The following TPCN2 variants were observed in gnomAD, a reference collection of about 807,000 sequenced individuals.
The protein encoded by TPCN2 is two pore segment channel 2, also known as two pore channel protein 2.
In TPCN2, 92 loss-of-function variants were observed where a neutral mutation model predicts 111.4. The observed-to-expected ratio is 0.83, with a 90% CI of 0.70 to 0.98. The LOEUF (loss-of-function observed/expected upper bound fraction) is 0.98. Ranked by LOEUF, TPCN2 falls within the 50% of genes least tolerant of loss-of-function variation. The pLI is 0.00. For synonymous variants in TPCN2, 405 were observed against 414.5 expected (o/e 0.98, Z 0.28); for missense variants, 995 against 980.1 (o/e 1.02, Z -0.20).
At chr11:69,050,376 C>T (rs1408309461) in intron 1 of TPCN2, among the ~76,000 whole-genome samples, 1 of 152,182 alleles carries the variant, frequency 6.6e-6, no homozygotes, top group Non-Finnish European at 1.5e-5. Flanking sequence ...GGTTGCTTAA[C>T]CTTTCTGTTT....
At chr11:69,076,602 C>A (rs71464359) in intron 13 of TPCN2, among the ~76,000 whole-genome samples, 1 of 41,648 alleles carries the variant, frequency 2.4e-5, no homozygotes, top group Admixed American at 1.9e-4. Context: ...GCCCTCCTGC[C>A]GTGTCCCTCC....
chr11:69,060,818 A>C (rs1459756398), intron 5 of TPCN2, among the ~76,000 whole-genome samples: 1 of 152,176 alleles, frequency 6.6e-6, no homozygotes, highest in Non-Finnish European at 1.5e-5. Context: ...AGCCTTTGTT[A>C]TCAGGCCCTA....
At position 69,087,729 on chromosome 11, in the gene TPCN2, T is replaced by A. The variant is rs1123665; in HGVS notation, c.2181-146T>A. Reference sequence around the variant, plus strand: ...ATATTTCTAGTGGCTACATCCATCCTGAGGCTCATCTGAGTCCCCGTGTCT... The same window carrying A: ...ATATTTCTAGTGGCTACATCCATCCAGAGGCTCATCTGAGTCCCCGTGTCT... On this transcript the variant is annotated intron_variant, in intron 24 of 24. Coordinates refer to ENST00000294309, the MANE Select transcript of TPCN2 (RefSeq NM_139075.4). The A allele has an allele frequency of 1.6e-5, 10 of 617,612 alleles. 1 individual carries two copies. Among genetic ancestry groups the A allele is most frequent in the Non-Finnish European group, 2.9e-5 (10 of 348,444 alleles). 38.3% of individuals were successfully genotyped at this position (617,612 alleles called of 1,614,324 possible). A position where few individuals can be genotyped will look rare whatever the true frequency, so the allele number is the denominator to read the frequency against.
chr11:69,083,954 G>A lies in TPCN2; in HGVS notation c.1699G>A (p.Val567Met), dbSNP rs1426202654. The A allele has an allele frequency of 5.6e-6, 9 of 1,614,032 alleles. No homozygotes were observed. Among genetic ancestry groups the A allele is most frequent in the South Asian group, 2.2e-5 (2 of 91,088 alleles). Residue 567 changes from valine to methionine, a missense_variant, in exon 19 of 25, where the codon GTG becomes ATG. By Grantham distance (21) the Val-to-Met change is conservative. Coordinates refer to ENST00000294309, the MANE Select transcript of TPCN2 (RefSeq NM_139075.4). ...CTCTTCCTGTCCTCAGCTGATGGCCGTGGTGGCCAGTACCGTCCTGGGCCT... is the reference window on the plus strand; with the variant it reads ...CTCTTCCTGTCCTCAGCTGATGGCCATGGTGGCCAGTACCGTCCTGGGCCT... ...RIIPSMKLMA[V>M]VASTVLGLVQ...
rs1179040102 is a variant in TPCN2, at chr11:69,082,805, G to A, written c.1690-1140G>A. On this transcript the variant is annotated intron_variant, in intron 18 of 24. Coordinates refer to ENST00000294309, the MANE Select transcript of TPCN2 (RefSeq NM_139075.4). ...GATATCCATGTGAACTCGTGCCCGT[G>A]TAAGACGCATGATCGTGTGTGCACA... Among the ~76,000 whole-genome samples the A allele has an allele frequency of 2.5e-3, 266 of 104,330 alleles. 26 individuals carry two copies. Among genetic ancestry groups the A allele is most frequent in the African/African-American group, 2.9e-3 (88 of 30,476 alleles). 68.4% of individuals were successfully genotyped at this position (104,330 alleles called of 152,430 possible). A position where few individuals can be genotyped will look rare whatever the true frequency, so the allele number is the denominator to read the frequency against.
intron 20 of TPCN2, 152 bp downstream of exon 20, chr11:69,085,438 C>G: frequency 1.2e-6 from 1 of 819,838 alleles, no homozygotes; most frequent in Non-Finnish European, 2.0e-6. Context: ...CTTTTCCCGA[C>G]CCCCAATTTC....
chr11:69,084,143 C>T, intron 19 of TPCN2, 127 bp downstream of exon 19: 1 of 942,662 alleles, frequency 1.1e-6, no homozygotes. Flanking sequence ...CGGACGGCAG[C>T]AGGTTCCTGA....
At chr11:69,069,200 G>T (rs375803810) in intron 8 of TPCN2, among the ~76,000 whole-genome samples, 1 of 137,724 alleles carries the variant, frequency 7.3e-6, no homozygotes, top group African/African-American at 2.9e-5. Context: ...AGTGACACAG[G>T]GGGAGCAGGA....
In TPCN2 at chr11:69,085,752, G is replaced by C; in HGVS notation, c.1920G>C (p.Ala640=). Residue 640 remains alanine, a splice_region_variant and synonymous_variant, in exon 21 of 25, where the codon GCG becomes GCC. Coordinates refer to ENST00000294309, the MANE Select transcript of TPCN2 (RefSeq NM_139075.4). ...EYWANNFDDF[A]AALVTLWNLM... The stretch of plus-strand genomic sequence containing the variant: ...GGGCCAACAACTTCGATGACTTTGC[G>C]GTGAGCCCTGCGCCCTGTCCCAGCA... 6.2e-6 allele frequency: 10 copies of C among 1,614,062 alleles called. No homozygotes were observed. The highest frequency in any genetic ancestry group is 2.2e-5 in the South Asian group (2 of 91,082).
At chr11:69,058,129 A>G (rs1367537114) in intron 5 of TPCN2, among the ~76,000 whole-genome samples, 1 of 152,014 alleles carries the variant, frequency 6.6e-6, no homozygotes, top group African/African-American at 2.4e-5. Context: ...AGCCCTTTCC[A>G]CCGCAGTGCC....
At position 69,087,984 on chromosome 11, in the gene TPCN2, A is replaced by G; in HGVS notation, c.*31A>G. 6.3e-7 allele frequency: 1 copy of G among 1,582,474 alleles called. No homozygotes were observed. The highest frequency in any genetic ancestry group is 8.6e-7 in the Non-Finnish European group (1 of 1,164,448). On this transcript the variant is annotated 3_prime_UTR_variant, in exon 25 of 25. Transcript: ENST00000294309. The stretch of plus-strand genomic sequence containing the variant: ...GGGCTGCCGTCCCAGCAGGGGCGGC[A>G]GGAGAGAGAGGCTGGCCTACACAGG...
At chr11:69,063,018 G>T in intron 6 of TPCN2, 28 bp downstream of exon 6, 1 of 1,600,498 alleles carries the variant, frequency 6.2e-7, no homozygotes, top group Non-Finnish European at 8.6e-7. Flanking sequence ...TGGGCTCGCA[G>T]GGTTGGGAAG....
intron 19 of TPCN2, 109 bp from the exon 20 acceptor site, chr11:69,085,100 AG>A: frequency 9.3e-7 from 1 of 1,069,804 alleles, no homozygotes; most frequent in Admixed American, 1.7e-5. Flanking sequence ...CCCTGGGCAG[AG>A]GGTCCTGGCC....
chr11:69,056,223 G>A (rs993034276), intron 4 of TPCN2, among the ~76,000 whole-genome samples: 1 of 152,244 alleles, frequency 6.6e-6, no homozygotes, highest in Admixed American at 6.5e-5. Flanking sequence ...TTGGGCTCAC[G>A]TGGCTTCCTG....
At chr11:69,056,316 G>A (rs1854761954) in intron 4 of TPCN2, among the ~76,000 whole-genome samples, 1 of 152,238 alleles carries the variant, frequency 6.6e-6, no homozygotes, top group South Asian at 2.1e-4. Context: ...GTTGTGGCTG[G>A]ATGCTGGTGT....
intron 6 of TPCN2, among the ~76,000 whole-genome samples, 187 bp from the exon 7 acceptor site, chr11:69,063,708 T>C (rs375464134): frequency 9.9e-5 from 15 of 152,258 alleles, no homozygotes; most frequent in African/African-American, 3.4e-4. Context: ...CGACCAGGCC[T>C]TTCCTCTGGG....
chr11:69,063,596 G>A (rs1429957378), intron 6 of TPCN2, among the ~76,000 whole-genome samples: 1 of 152,052 alleles, frequency 6.6e-6, no homozygotes, highest in Non-Finnish European at 1.5e-5. Flanking sequence ...CAGGTGGATG[G>A]AAGTGGCCTC....
rs745694186 is a variant in TPCN2 at position 69,078,779 on chromosome 11, G to A, written c.1396G>A (p.Asp466Asn). Residue 466 changes from aspartate to asparagine, a missense_variant, in exon 15 of 25, where the codon GAC (aspartate) becomes AAC (asparagine). Asp to Asn is a conservative substitution (Grantham distance 23, BLOSUM62 1). Coordinates refer to ENST00000294309, the MANE Select transcript of TPCN2 (RefSeq NM_139075.4). ...AGATGTGCTGCCTGCTGAGCGTGATGACTTCATCCTGGGGGTAAGTTCTGA... is the reference window on the plus strand; with the variant it reads ...AGATGTGCTGCCTGCTGAGCGTGATAACTTCATCCTGGGGGTAAGTTCTGA... ...DADVLPAERD[D>N]FILGILNCVF... is the part of the protein sequence containing the mutation. The A allele has an allele frequency of 1.7e-5, 28 of 1,613,986 alleles. No homozygotes were observed. The highest frequency in any genetic ancestry group is 3.3e-5 in the Admixed American group (2 of 60,018).
intron 13 of TPCN2, 29 bp downstream of exon 13, chr11:69,073,030 G>T (rs1240891295): frequency 6.5e-7 from 1 of 1,545,478 alleles, no homozygotes; most frequent in Non-Finnish European, 8.9e-7. Flanking sequence ...GCCCAGGGTG[G>T]ATAGTGGGGG....
Sources: gnomAD v4.1 joint callset for allele counts (sites outside exome capture counted in the v4.1 genomes callset) on GRCh38, gnomAD v4.1.1 for gene constraint, MANE v1.5 for transcripts, NCBI Gene and HGNC (gene_info 2026-07-23, HGNC 2026-07-21) for gene names.